The following CAST variants were observed in gnomAD, a reference collection of about 807,000 sequenced individuals.
CAST encodes the protein calpastatin.
CAST carries 76 observed loss-of-function variants against 119.6 expected under a neutral mutation model. The observed-to-expected ratio is 0.64, with a 90% CI of 0.53 to 0.77. The LOEUF is 0.77. CAST is among the 30% of genes least tolerant of loss of function. The probability of loss-of-function intolerance (pLI) is 0.00; values close to 1 mark genes in which losing one functional copy is unlikely to be tolerated. For synonymous variants in CAST, 319 were observed against 331.6 expected, an observed-to-expected ratio of 0.96 and a Z score of 0.41; for missense variants, 953 against 946.5, an observed-to-expected ratio of 1.01 and a Z score of -0.09.
the CAST span, among the ~76,000 whole-genome samples, chr5:96,470,711 A>G: frequency 6.6e-6 from 1 of 152,112 alleles, no homozygotes; most frequent in Non-Finnish European, 1.5e-5. Flanking sequence ...CTTTGATTCT[A>G]TGTAAAAGTA....
the CAST span, among the ~76,000 whole-genome samples, chr5:96,377,599 T>C: frequency 3.4e-3 from 513 of 152,310 alleles, 4 homozygotes; most frequent in South Asian, 0.035. Flanking sequence ...AGATGTGTAA[T>C]AGGCTAAACC....
the CAST span, among the ~76,000 whole-genome samples, chr5:96,331,426 G>A: frequency 6.6e-6 from 1 of 152,178 alleles, no homozygotes; most frequent in Non-Finnish European, 1.5e-5. Flanking sequence ...GGCAGAGCCT[G>A]TACCAACAGC....
chr5:96,099,146 G>C, the CAST span, among the ~76,000 whole-genome samples: 43 of 152,108 alleles, frequency 2.8e-4, no homozygotes, highest in Admixed American at 9.8e-4. Context: ...GTGTATAGGA[G>C]TGCTAGTGAT....
At chr5:96,393,345 TGTTCTCCTTAGG>T in the CAST span, 17 of 1,613,910 alleles carry the variant, frequency 1.1e-5, no homozygotes, top group Non-Finnish European at 1.4e-5. Context: ...GACACCAGGG[TGTTCTCCTTAGG>T]GTTCTCTTGT....
chr5:96,273,802 T>C, the CAST span, among the ~76,000 whole-genome samples: 1 of 152,184 alleles, frequency 6.6e-6, no homozygotes, highest in Non-Finnish European at 1.5e-5. Flanking sequence ...CACTGGTCTG[T>C]TCTGATTGCT....
chr5:96,145,757 C>T, the CAST span, among the ~76,000 whole-genome samples: 2 of 152,132 alleles, frequency 1.3e-5, no homozygotes, highest in African/African-American at 4.8e-5. Context: ...AAAACAATAG[C>T]CATTTTATTA....
the CAST span, among the ~76,000 whole-genome samples, chr5:96,481,229 AGCT>A: frequency 2.0e-5 from 3 of 152,082 alleles, no homozygotes; most frequent in Admixed American, 2.0e-4. Context: ...CACACTGCAC[AGCT>A]GCTTCTGTCT....
rs9667 is a variant in CAST at position 96,695,865 on chromosome 5, A to C, written c.168A>C (p.Gln56His). The C allele has an allele frequency of 6.2e-7, 1 of 1,612,326 alleles. No homozygotes were observed. The highest frequency in any genetic ancestry group is 1.7e-5 in the Admixed American group (1 of 59,870). The change falls in exon 3 of 32, where the codon CAA becomes CAC. Residue 56 changes from glutamine to histidine, a missense_variant. By Grantham distance (24) the Gln-to-His change is conservative. Transcript: ENST00000675179. Reference sequence around the variant, plus strand: ...AAGCAGCAAGCCTCGGCAGCAGTCAATCCTCCAGAACCTATGCTGGTGGAA... The same window carrying C: ...AAGCAGCAAGCCTCGGCAGCAGTCACTCCTCCAGAACCTATGCTGGTGGAA... ...EKKAASLGSS[Q>H]SSRTYAGGTA...
At chr5:96,185,110 C>A in the CAST span, among the ~76,000 whole-genome samples, 1 of 152,134 alleles carries the variant, frequency 6.6e-6, no homozygotes, top group Non-Finnish European at 1.5e-5. Flanking sequence ...TGATGTTGAG[C>A]TTTTTCCATA....
the CAST span, among the ~76,000 whole-genome samples, chr5:96,125,463 A>C: frequency 6.6e-6 from 1 of 152,164 alleles, no homozygotes; most frequent in African/African-American, 2.4e-5. Context: ...CAGATGTGCA[A>C]GTGGATTTTT....
chr5:96,428,181 G>A, the CAST span, among the ~76,000 whole-genome samples: 4 of 151,902 alleles, frequency 2.6e-5, no homozygotes, highest in African/African-American at 9.7e-5. Context: ...TGAATAAAAG[G>A]GCAAATTATC....
the CAST span, among the ~76,000 whole-genome samples, chr5:96,169,828 G>A: frequency 2.0e-5 from 3 of 152,164 alleles, no homozygotes; most frequent in African/African-American, 7.2e-5. Flanking sequence ...GAATAGTCAG[G>A]GAAGCAGATA....
chr5:96,680,319 C>T (rs1751209502), intron 2 of CAST, among the ~76,000 whole-genome samples: 2 of 128,300 alleles, frequency 1.6e-5, no homozygotes, highest in South Asian at 5.0e-4. Flanking sequence ...CACACCACTG[C>T]ACTCCAGCCT....
the CAST span, among the ~76,000 whole-genome samples, chr5:96,164,374 TCTTTC>T: frequency 3.3e-5 from 5 of 152,228 alleles, no homozygotes; most frequent in African/African-American, 1.2e-4. Flanking sequence ...GCTAAAGTAC[TCTTTC>T]CTTTGAGTTA....
chr5:96,452,376 G>C, the CAST span, among the ~76,000 whole-genome samples: 1 of 152,004 alleles, frequency 6.6e-6, no homozygotes, highest in African/African-American at 2.4e-5. Context: ...ATCATTCTCA[G>C]CAAACTAACC....
At chr5:96,189,809 T>C in the CAST span, among the ~76,000 whole-genome samples, 2,051 of 152,308 alleles carry the variant, frequency 0.013, 49 homozygotes, top group African/African-American at 0.047. Context: ...TTTTATAGAT[T>C]CATGTTTTTG....
At chr5:96,407,220 C>T in the CAST span, among the ~76,000 whole-genome samples, 1 of 151,980 alleles carries the variant, frequency 6.6e-6, no homozygotes, top group Non-Finnish European at 1.5e-5. Flanking sequence ...TTAAAAATTA[C>T]ATAGAAACAA....
At chr5:96,205,108 A>G in the CAST span, among the ~76,000 whole-genome samples, 2 of 151,668 alleles carry the variant, frequency 1.3e-5, no homozygotes, top group Non-Finnish European at 2.9e-5. Flanking sequence ...TTGTTTTTTC[A>G]CTCTTGAGTT....
intron 1 of CAST, among the ~76,000 whole-genome samples, chr5:96,650,487 T>C (rs1379242697): frequency 6.6e-6 from 1 of 152,228 alleles, no homozygotes; most frequent in African/African-American, 2.4e-5. Flanking sequence ...TCCTGATGAC[T>C]ATCCTACTTG....
Sources: allele counts gnomAD v4.1 joint callset (sites outside exome capture counted in the v4.1 genomes callset), GRCh38; gene constraint gnomAD v4.1.1; transcripts MANE v1.5; gene names NCBI Gene and HGNC (gene_info 2026-07-23, HGNC 2026-07-21).